The following NLGN1 variants were observed in gnomAD, a reference collection of about 807,000 sequenced individuals.
The protein encoded by NLGN1 is neuroligin-1.
NLGN1 carries 12 observed loss-of-function variants against 65.5 expected under a neutral mutation model. That is an observed-to-expected ratio of 0.18 (90% CI 0.12 to 0.30). The LOEUF (loss-of-function observed/expected upper bound fraction) is 0.30. Among genes scored for constraint, NLGN1 ranks in the 10% least tolerant of loss-of-function variants. The pLI is 1.00. For missense variants in NLGN1, 750 were observed against 1,007.1 expected, an observed-to-expected ratio of 0.74 and a Z score of 3.46; for synonymous variants, 350 against 359.5, an observed-to-expected ratio of 0.97 and a Z score of 0.30.
intron 4 of NLGN1, among the ~76,000 whole-genome samples, chr3:174,153,947 C>T (rs1199635392): frequency 6.6e-6 from 1 of 152,082 alleles, no homozygotes; most frequent in African/African-American, 2.4e-5. Context: ...TTCAAAATGG[C>T]TGTGAATTTC....
chr3:173,424,045 G>C (rs937722523), intron 1 of NLGN1, among the ~76,000 whole-genome samples: 2 of 152,204 alleles, frequency 1.3e-5, no homozygotes, highest in Non-Finnish European at 2.9e-5. Flanking sequence ...TGAACACCAT[G>C]TGGAAGCTGA....
At chr3:173,945,790 C>G (rs1268037223) in intron 4 of NLGN1, among the ~76,000 whole-genome samples, 2 of 152,182 alleles carry the variant, frequency 1.3e-5, no homozygotes, top group Non-Finnish European at 2.9e-5. Flanking sequence ...GGGTTTGCTT[C>G]TTTCCTACTC....
chr3:174,174,852 A>T lies in NLGN1; in HGVS notation c.647-100463A>T, dbSNP rs182991602. 5.3e-5 allele frequency among the ~76,000 whole-genome samples: 8 copies of T among 151,906 alleles called. No individual in the cohort carries two copies. The East Asian group carries it at 1.2e-3, about 22-fold the overall frequency. On this transcript the variant is annotated intron_variant, in intron 4 of 6. Coordinates refer to ENST00000457714, the Ensembl canonical transcript of NLGN1. The stretch of plus-strand genomic sequence containing the variant: ...GGTGATTTTAGAATATTGTGTTTCC[A>T]TCATCATTTGTTTCAAGAAATTTTT...
chr3:174,137,316 C>T (rs777468561), intron 4 of NLGN1, among the ~76,000 whole-genome samples: 4 of 152,060 alleles, frequency 2.6e-5, no homozygotes, highest in African/African-American at 7.2e-5. Context: ...TCAACCCCTG[C>T]GTGGTTTCCT....
chr3:173,824,041 A>G (rs1310393136), intron 4 of NLGN1, among the ~76,000 whole-genome samples: 1 of 151,926 alleles, frequency 6.6e-6, no homozygotes, highest in Non-Finnish European at 1.5e-5. Flanking sequence ...GATCAGTTTA[A>G]TGTTTGGTTT....
At chr3:173,471,387 G>T (rs73038144) in intron 2 of NLGN1, among the ~76,000 whole-genome samples, 4,658 of 152,070 alleles carry the variant, frequency 0.031, 230 homozygotes, top group African/African-American at 0.11. Context: ...GCTTCTGGTG[G>T]TTTGCAGGCA....
chr3:174,099,998 C>T (rs1427280323), intron 4 of NLGN1, among the ~76,000 whole-genome samples: 1 of 152,034 alleles, frequency 6.6e-6, no homozygotes, highest in Non-Finnish European at 1.5e-5. Flanking sequence ...TGCCATGACC[C>T]TTGGCGGCTT....
At chr3:173,598,040 T>G (rs1476625693) in intron 2 of NLGN1, among the ~76,000 whole-genome samples, 2 of 152,226 alleles carry the variant, frequency 1.3e-5, no homozygotes, top group East Asian at 3.8e-4. Flanking sequence ...TTTGCCTTTT[T>G]ACAGTTCTTT....
At chr3:174,236,091 A>C (rs1260051213) in intron 4 of NLGN1, among the ~76,000 whole-genome samples, 1 of 152,154 alleles carries the variant, frequency 6.6e-6, no homozygotes, top group African/African-American at 2.4e-5. Flanking sequence ...AAATATCAAT[A>C]AGTCGTGATC....
At chr3:174,039,135 G>T (rs1731739510) in intron 4 of NLGN1, among the ~76,000 whole-genome samples, 1 of 152,046 alleles carries the variant, frequency 6.6e-6, no homozygotes, top group Non-Finnish European at 1.5e-5. Context: ...AAACAAGAGA[G>T]ACTCCCTTAG....
At chr3:174,127,030 T>C (rs1719089303) in intron 4 of NLGN1, among the ~76,000 whole-genome samples, 1 of 152,126 alleles carries the variant, frequency 6.6e-6, no homozygotes. Context: ...CTCACCATTT[T>C]TTCCAAAAAT....
chr3:173,715,887 G>GA (rs3835154), intron 3 of NLGN1, among the ~76,000 whole-genome samples: 18 of 150,396 alleles, frequency 1.2e-4, no homozygotes, highest in African/African-American at 3.7e-4. Context: ...TCAGAGTTTT[G>GA]AAAAAAAAAA....
In NLGN1 at chr3:174,280,969, G is replaced by C; in HGVS notation, c.2138G>C (p.Ser713Thr). The C allele has an allele frequency of 6.2e-7, 1 of 1,613,356 alleles. No individual in the cohort carries two copies. The highest frequency in any genetic ancestry group is 8.5e-7 in the Non-Finnish European group (1 of 1,179,598). ...AGACATGATGTTCACAGGAGATGCAGCCCTCAGCGCACTACTACCAATGAT... is the reference window on the plus strand; with the variant it reads ...AGACATGATGTTCACAGGAGATGCACCCCTCAGCGCACTACTACCAATGAT... The change falls in exon 7 of 7, where the codon AGC (serine) becomes ACC (threonine). Residue 713 changes from serine (S) to threonine (T), a missense_variant. By Grantham distance (58) the Ser-to-Thr change is moderately conservative. Transcript: ENST00000457714. This position sits in a 1 kb window ranked among gnomAD's most constrained non-coding sequence, Gnocchi z 4.9.
At chr3:174,238,649 C>T (rs1742200777) in intron 4 of NLGN1, among the ~76,000 whole-genome samples, 1 of 152,270 alleles carries the variant, frequency 6.6e-6, no homozygotes, top group Non-Finnish European at 1.5e-5. Context: ...CGTGAGACAC[C>T]GCGCCCAGCC....
At chr3:174,218,481 G>C (rs1384465293) in intron 4 of NLGN1, among the ~76,000 whole-genome samples, 1 of 151,816 alleles carries the variant, frequency 6.6e-6, no homozygotes, top group Non-Finnish European at 1.5e-5. Context: ...CTTATTCTTT[G>C]CTTCTCAGCA....
intron 4 of NLGN1, among the ~76,000 whole-genome samples, chr3:173,865,156 A>G (rs979645565): frequency 2.6e-5 from 4 of 152,130 alleles, no homozygotes; most frequent in African/African-American, 9.7e-5. Context: ...CTTTAGCTTT[A>G]TTTTAGAGGT....
At chr3:173,714,849 G>A (rs16829911) in intron 3 of NLGN1, among the ~76,000 whole-genome samples, 22,025 of 152,070 alleles carry the variant, frequency 0.14, 1,660 homozygotes, top group Non-Finnish European at 0.18. Flanking sequence ...AATGAGCAGG[G>A]TAAAATGAGA....
chr3:173,676,736 T>G (rs2149763791), intron 3 of NLGN1, among the ~76,000 whole-genome samples: 1 of 152,234 alleles, frequency 6.6e-6, no homozygotes, highest in East Asian at 1.9e-4. Context: ...ATGCCTAAAC[T>G]TCCACTGTAC....
chr3:173,475,051 T>G (rs1725967337), intron 2 of NLGN1, among the ~76,000 whole-genome samples: 2 of 152,194 alleles, frequency 1.3e-5, no homozygotes, highest in African/African-American at 4.8e-5. Context: ...CTAAAAATAG[T>G]TTTTATATTA....
Sources: allele counts gnomAD v4.1 joint callset (sites outside exome capture counted in the v4.1 genomes callset), GRCh38; gene constraint gnomAD v4.1.1; non-coding constraint Gnocchi (gnomAD v3.1); transcripts MANE v1.5; gene names NCBI Gene and HGNC (gene_info 2026-07-23, HGNC 2026-07-21).